Variants in CRTC3 observed in about 807,000 individuals in gnomAD.
CRTC3 encodes CREB regulated transcription coactivator 3.
Under a neutral mutation model 74.5 loss-of-function variants are expected in CRTC3, and 26 were observed. The observed-to-expected ratio is 0.35, with a 90% CI of 0.26 to 0.48. The LOEUF (loss-of-function observed/expected upper bound fraction) is 0.48. Ranked by LOEUF, CRTC3 falls within the 20% of genes least tolerant of loss-of-function variation. CRTC3 has a pLI of 0.99. For synonymous variants in CRTC3, 377 were observed against 325.8 expected, an observed-to-expected ratio of 1.16 and a Z score of -1.69; for missense variants, 760 against 787.3, an observed-to-expected ratio of 0.97 and a Z score of 0.41.
Position 90,540,231 on chromosome 15 carries a change from G to T in CRTC3, c.231+94G>T, listed in dbSNP as rs1596069177. ...AAGATGAGATCTTGAAGGATAAGCT[G>T]GGCCTAGGTACAGTTCAGTCTTCTT... On this transcript the variant is annotated intron_variant, in intron 2 of 14. Coordinates refer to ENST00000268184, the MANE Select transcript of CRTC3 (RefSeq NM_022769.5). The T allele has an allele frequency of 3.5e-6, 3 of 845,342 alleles. No homozygotes were observed. In the East Asian group the frequency reaches 7.6e-5, roughly 21 times the overall value. The allele number at this position is 845,342 out of a possible 1,614,324, so 52.4% of individuals were successfully genotyped here.
intron 6 of CRTC3, among the ~76,000 whole-genome samples, chr15:90,609,179 T>C (rs1050727643): frequency 6.6e-6 from 1 of 152,240 alleles, no homozygotes; most frequent in African/African-American, 2.4e-5. Flanking sequence ...TTTGCTTAAA[T>C]GATTGTTTGC....
chr15:90,600,878 G>A lies in CRTC3; in HGVS notation c.352-1446G>A, dbSNP rs191872545. On this transcript the variant is annotated intron_variant, in intron 3 of 14. Coordinates refer to ENST00000268184, the MANE Select transcript of CRTC3 (RefSeq NM_022769.5). ...AGACAAAAGGAATGGGCTTGGTTTG[G>A]GTGAGTGATAAGGAGGCAACCTTCC... 2.1e-3 allele frequency among the ~76,000 whole-genome samples: 315 copies of A among 152,288 alleles called. 4 individuals carry two copies. The highest frequency in any genetic ancestry group is 0.015 in the Admixed American group (226 of 15,296).
intron 1 of CRTC3, among the ~76,000 whole-genome samples, chr15:90,532,584 T>C (rs1225460305): frequency 1.3e-5 from 2 of 152,230 alleles, no homozygotes; most frequent in Non-Finnish European, 2.9e-5. Flanking sequence ...CTTCTCTACA[T>C]GATCAAAGCA....
At chr15:90,566,183 G>A (rs1235339824) in intron 2 of CRTC3, among the ~76,000 whole-genome samples, 1 of 152,172 alleles carries the variant, frequency 6.6e-6, no homozygotes, top group East Asian at 1.9e-4. Context: ...GTTCTATGAA[G>A]ACTGAGAGAG....
At chr15:90,565,465 G>A (rs568063222) in intron 2 of CRTC3, among the ~76,000 whole-genome samples, 1 of 152,280 alleles carries the variant, frequency 6.6e-6, no homozygotes, top group East Asian at 1.9e-4. Context: ...ATTCAGTGTT[G>A]GTGAGTGGGT....
intron 1 of CRTC3, among the ~76,000 whole-genome samples, chr15:90,539,303 A>G (rs774286900): frequency 6.6e-6 from 1 of 152,242 alleles, no homozygotes. Flanking sequence ...AAAGAAAAGC[A>G]TATTAAAATG....
At chr15:90,539,067 T>A (rs1014656506) in intron 1 of CRTC3, among the ~76,000 whole-genome samples, 2 of 152,224 alleles carry the variant, frequency 1.3e-5, no homozygotes. Flanking sequence ...AGTGTTTTAT[T>A]ATTGTTAGAG....
intron 11 of CRTC3, 21 bp from the exon 12 acceptor site, chr15:90,638,425 C>T: frequency 6.2e-7 from 1 of 1,608,726 alleles, no homozygotes. Flanking sequence ...TCATTAGTGG[C>T]TTTGTGTGTT....
intron 2 of CRTC3, among the ~76,000 whole-genome samples, chr15:90,587,891 G>C (rs1967703463): frequency 6.6e-6 from 1 of 151,680 alleles, no homozygotes; most frequent in South Asian, 2.1e-4. Flanking sequence ...TGGGATTACA[G>C]GCCTGAGCCA....
rs572786430 is a variant in CRTC3 at position 90,621,256 on chromosome 15, A to G, written c.749+1466A>G. On this transcript the variant is annotated intron_variant, in intron 9 of 14. Coordinates refer to ENST00000268184, the MANE Select transcript of CRTC3 (RefSeq NM_022769.5). ...CTTCAGGCTCTGAAAGCCTAACATT[A>G]TAGAATTGGGCTGCAGTACTTTAGC... is the stretch of plus-strand genomic sequence containing the variant. 2.4e-3 allele frequency among the ~76,000 whole-genome samples: 358 copies of G among 152,332 alleles called. 2 individuals are homozygous for G. Among genetic ancestry groups the G allele is most frequent in the Non-Finnish European group, 1.2e-3 (83 of 68,032 alleles).
intron 2 of CRTC3, among the ~76,000 whole-genome samples, chr15:90,576,041 G>T (rs1967395988): frequency 6.6e-6 from 1 of 152,182 alleles, no homozygotes; most frequent in South Asian, 2.1e-4. Flanking sequence ...TGACAAGATT[G>T]TTGCAGTAAT....
chr15:90,612,101 C>T (rs906255136), intron 6 of CRTC3, among the ~76,000 whole-genome samples: 7 of 148,864 alleles, frequency 4.7e-5, no homozygotes, highest in African/African-American at 1.7e-4. Flanking sequence ...TCCGCCTCTG[C>T]CTCCTCCTCA....
chr15:90,631,368 T>C (rs1467451432), intron 11 of CRTC3, among the ~76,000 whole-genome samples: 2 of 152,090 alleles, frequency 1.3e-5, no homozygotes, highest in Admixed American at 1.3e-4. Context: ...CTGGGATTCT[T>C]CAAGTAAATG....
At chr15:90,632,284 T>C (rs909920646) in intron 11 of CRTC3, among the ~76,000 whole-genome samples, 1 of 152,092 alleles carries the variant, frequency 6.6e-6, no homozygotes, top group African/African-American at 2.4e-5. Context: ...TTTTAATTTG[T>C]TTAATATTTA....
At chr15:90,641,016 C>T in intron 13 of CRTC3, 81 bp from the exon 14 acceptor site, 2 of 892,388 alleles carry the variant, frequency 2.2e-6, no homozygotes, top group South Asian at 1.4e-5. Flanking sequence ...TCAGGTTTTG[C>T]TCTGGGAGCA....
intron 3 of CRTC3, chr15:90,594,055 G>A (rs544027310): frequency 4.5e-6 from 1 of 223,050 alleles, no homozygotes; most frequent in Non-Finnish European, 8.8e-6. Context: ...AATTGGCCAC[G>A]TTAGAGTTAA....
At chr15:90,634,827 GA>G in intron 11 of CRTC3, 1 of 1,523,716 alleles carries the variant, frequency 6.6e-7, no homozygotes. Context: ...TTTGCTTCCA[GA>G]AAAATCTCAA....
intron 6 of CRTC3, 76 bp downstream of exon 6, chr15:90,607,554 G>A: frequency 1.1e-6 from 1 of 934,824 alleles, no homozygotes; most frequent in Non-Finnish European, 1.7e-6. Context: ...GAGAGAAGCT[G>A]AAGTGGTGTT....
chr15:90,540,990 G>A (rs1966793023), intron 2 of CRTC3, among the ~76,000 whole-genome samples: 2 of 152,192 alleles, frequency 1.3e-5, no homozygotes, highest in South Asian at 4.1e-4. Flanking sequence ...ACATGGCTCA[G>A]TGCAGGTGTA....
Sources: gnomAD v4.1 joint callset for allele counts (sites outside exome capture counted in the v4.1 genomes callset) on GRCh38, gnomAD v4.1.1 for gene constraint, MANE v1.5 for transcripts, NCBI Gene and HGNC (gene_info 2026-07-23, HGNC 2026-07-21) for gene names.